The following PTPDC1 variants were observed in gnomAD, a reference collection of about 807,000 sequenced individuals.
PTPDC1 encodes the protein protein tyrosine phosphatase domain-containing protein 1.
A neutral mutation model predicts 75.3 loss-of-function variants in PTPDC1; 53 were observed. The observed-to-expected ratio is 0.70, with a 90% CI of 0.56 to 0.88. The LOEUF is 0.88. PTPDC1 is among the 40% of genes least tolerant of loss of function. The probability of loss-of-function intolerance (pLI) is 0.00; values close to 1 mark genes in which losing one functional copy is unlikely to be tolerated. For missense variants in PTPDC1, 925 were observed against 998.6 expected (o/e 0.93, Z 0.99); for synonymous variants, 349 against 366.2 (o/e 0.95, Z 0.54).
Position 94,085,247 on chromosome 9 carries a change from C to T in PTPDC1, c.245-4C>T. On this transcript the variant is annotated splice_polypyrimidine_tract_variant and splice_region_variant and intron_variant, in intron 1 of 8. Transcript: ENST00000620992. Reference sequence around the variant, plus strand: ...TTGAATTTTCCTTTCCTTATATGTTCTAGGAAATTTAGAACGTCCAACACC... The same window carrying T: ...TTGAATTTTCCTTTCCTTATATGTTTTAGGAAATTTAGAACGTCCAACACC... 3 of 1,611,514 alleles carry T rather than the reference C, an allele frequency of 1.9e-6. No individual in the cohort carries two copies. The highest frequency in any genetic ancestry group is 1.7e-5 in the Admixed American group (1 of 59,832).
intron 1 of PTPDC1, among the ~76,000 whole-genome samples, chr9:94,061,861 C>T (rs978191453): frequency 2.0e-5 from 3 of 152,258 alleles, no homozygotes; most frequent in African/African-American, 4.8e-5. Context: ...TCTGAAATGC[C>T]TTCAAGGCGT....
chr9:94,049,973 A>G, intron 1 of PTPDC1, among the ~76,000 whole-genome samples: 1 of 152,040 alleles, frequency 6.6e-6, no homozygotes, highest in East Asian at 1.9e-4. Context: ...TTGATCTTCC[A>G]TCACTGATAC....
intron 2 of PTPDC1, chr9:94,064,862 C>G: frequency 6.9e-7 from 1 of 1,451,738 alleles, no homozygotes; most frequent in South Asian, 1.2e-5. Flanking sequence ...TCTGTGCAAG[C>G]TGGCATTTAA....
chr9:94,031,408 C>T (rs1474940725), intron 1 of PTPDC1, among the ~76,000 whole-genome samples: 1 of 151,620 alleles, frequency 6.6e-6, no homozygotes, highest in Non-Finnish European at 1.5e-5. Context: ...AGTTGAATAT[C>T]GGGATTTTTA....
intron 1 of PTPDC1, among the ~76,000 whole-genome samples, chr9:94,042,957 C>A (rs1386471376): frequency 6.6e-6 from 1 of 152,142 alleles, no homozygotes; most frequent in African/African-American, 2.4e-5. Flanking sequence ...CCGTAAAAAG[C>A]AGTCCCTCCT....
chr9:94,044,438 C>G (rs1411074043), intron 1 of PTPDC1, among the ~76,000 whole-genome samples: 1 of 152,194 alleles, frequency 6.6e-6, no homozygotes, highest in Non-Finnish European at 1.5e-5. Flanking sequence ...AGCTGTTCTT[C>G]CTGATGCTCT....
chr9:94,043,834 T>A (rs1330525929), intron 1 of PTPDC1, among the ~76,000 whole-genome samples: 3 of 152,266 alleles, frequency 2.0e-5, no homozygotes, highest in African/African-American at 7.2e-5. Context: ...ACATTTTGAA[T>A]TAATTTTTAT....
upstream of PTPDC1, among the ~76,000 whole-genome samples, chr9:94,080,427 TA>T (rs1826839578): frequency 6.6e-6 from 1 of 152,136 alleles, no homozygotes; most frequent in Non-Finnish European, 1.5e-5. Flanking sequence ...CATATGGGAA[TA>T]AATATAGATG....
chr9:94,088,738 T>G (rs1275909188), intron 4 of PTPDC1, among the ~76,000 whole-genome samples: 1 of 152,124 alleles, frequency 6.6e-6, no homozygotes, highest in Non-Finnish European at 1.5e-5. Flanking sequence ...TCTAACAATT[T>G]CAAAGCCGCC....
chr9:94,065,691 G>A (rs1355717538), intron 2 of PTPDC1, among the ~76,000 whole-genome samples: 4 of 152,148 alleles, frequency 2.6e-5, no homozygotes, highest in African/African-American at 9.7e-5. Context: ...TCTAAACTCC[G>A]TATGCTTGTA....
At chr9:94,074,610 A>G (rs1482772570) in intron 2 of PTPDC1, among the ~76,000 whole-genome samples, 2 of 151,998 alleles carry the variant, frequency 1.3e-5, no homozygotes, top group African/African-American at 4.8e-5. Flanking sequence ...TTGGGAGTTC[A>G]GCTCCCCACT....
intron 6 of PTPDC1, among the ~76,000 whole-genome samples, chr9:94,099,902 T>C (rs1827776028): frequency 6.6e-6 from 1 of 152,248 alleles, no homozygotes; most frequent in African/African-American, 2.4e-5. Flanking sequence ...CACAGACCTT[T>C]AATCAGGATA....
intron 4 of PTPDC1, among the ~76,000 whole-genome samples, chr9:94,094,392 G>C (rs1426222853): frequency 4.6e-5 from 7 of 151,958 alleles, no homozygotes; most frequent in African/African-American, 1.7e-4. Context: ...GCTGTTCTGG[G>C]GTCAGGGGTC....
intron 1 of PTPDC1, among the ~76,000 whole-genome samples, chr9:94,055,025 C>T (rs1301891335): frequency 2.6e-5 from 4 of 152,214 alleles, no homozygotes; most frequent in African/African-American, 9.6e-5. Context: ...AGTGGAGCTC[C>T]ATTCTATTTT....
chr9:94,087,318 C>A (rs1197793931), intron 2 of PTPDC1, among the ~76,000 whole-genome samples: 3 of 152,084 alleles, frequency 2.0e-5, no homozygotes, highest in African/African-American at 4.8e-5. Context: ...AATATTCTTA[C>A]ACGGGTGCAC....
chr9:94,037,733 C>T (rs372334201), intron 1 of PTPDC1, among the ~76,000 whole-genome samples: 8 of 152,064 alleles, frequency 5.3e-5, no homozygotes, highest in African/African-American at 1.7e-4. Context: ...CTGCCCCTTT[C>T]GGTCCTTAAT....
chr9:94,060,662 A>C (rs943460197), intron 1 of PTPDC1, among the ~76,000 whole-genome samples: 2 of 152,204 alleles, frequency 1.3e-5, no homozygotes, highest in African/African-American at 2.4e-5. Context: ...AAGCAAGAGC[A>C]GGCATCTTAC....
Position 94,061,416 on chromosome 9 carries a change from T to C in PTPDC1, c.-6-3318T>C, listed in dbSNP as rs549631982. On this transcript the variant is annotated intron_variant, in intron 1 of 9. Transcript: ENST00000375360. ...CAGGGTCTGGAAGACAGTGGCCTTC[T>C]TCTCACAGCTGCACTAGGCAGTGCC... is the stretch of plus-strand genomic sequence containing the variant. 7.2e-5 allele frequency among the ~76,000 whole-genome samples: 11 copies of C among 152,352 alleles called. No homozygotes were observed. The South Asian group carries it at 1.9e-3, about 26-fold the overall frequency.
intron 8 of PTPDC1, among the ~76,000 whole-genome samples, chr9:94,105,706 A>T (rs372781961): frequency 6.8e-6 from 1 of 146,634 alleles, no homozygotes; most frequent in Admixed American, 6.9e-5. Context: ...TGGTGGCTCA[A>T]GCCTGTAATC....
Sources: gnomAD v4.1 joint callset for allele counts (sites outside exome capture counted in the v4.1 genomes callset) on GRCh38, gnomAD v4.1.1 for gene constraint, MANE v1.5 for transcripts, NCBI Gene and HGNC (gene_info 2026-07-23, HGNC 2026-07-21) for gene names.